Variants in CDCA7L observed in about 807,000 individuals in gnomAD.
The protein encoded by CDCA7L is cell division cycle-associated 7-like protein.
In CDCA7L, 44 loss-of-function variants were observed where a neutral mutation model predicts 57.4. The ratio of observed to expected loss-of-function variants is 0.77; its 90% CI spans 0.60 to 0.98. The LOEUF (loss-of-function observed/expected upper bound fraction) is 0.98. CDCA7L is among the 50% of genes least tolerant of loss of function. The probability of loss-of-function intolerance (pLI) is 0.00; values close to 1 mark genes in which losing one functional copy is unlikely to be tolerated. For missense variants in CDCA7L, 644 were observed against 580.6 expected (o/e 1.11, Z -1.12); for synonymous variants, 236 against 202.8 (o/e 1.16, Z -1.39).
At chr7:21,943,781 T>C (rs895217802) in intron 1 of CDCA7L, among the ~76,000 whole-genome samples, 8 of 151,914 alleles carry the variant, frequency 5.3e-5, no homozygotes, top group Non-Finnish European at 1.0e-4. Context: ...CCTTAATTGG[T>C]GCATAATGGA....
intron 8 of CDCA7L, 47 bp downstream of exon 8, chr7:21,904,063 C>T: frequency 6.7e-7 from 1 of 1,499,192 alleles, no homozygotes; most frequent in Non-Finnish European, 8.9e-7. Flanking sequence ...TTATAGCTTG[C>T]TTCCTTCACC....
At chr7:21,928,064 G>C (rs575513074) in intron 1 of CDCA7L, among the ~76,000 whole-genome samples, 43 of 152,318 alleles carry the variant, frequency 2.8e-4, no homozygotes, top group Non-Finnish European at 4.4e-4. Context: ...ATACAGGAGC[G>C]ATCCGGCTGG....
At chr7:21,917,860 C>T (rs1785533146) in intron 1 of CDCA7L, among the ~76,000 whole-genome samples, 1 of 152,198 alleles carries the variant, frequency 6.6e-6, no homozygotes, top group Non-Finnish European at 1.5e-5. Context: ...TCCCATAGAA[C>T]CACAAAACCA....
At chr7:21,941,746 T>G (rs1786345968) in intron 1 of CDCA7L, among the ~76,000 whole-genome samples, 1 of 152,200 alleles carries the variant, frequency 6.6e-6, no homozygotes, top group Non-Finnish European at 1.5e-5. Context: ...CCTGAGCAAA[T>G]TAGTCAATTT....
At chr7:21,908,637 G>T (rs1785217217) in intron 3 of CDCA7L, 130 bp from the exon 4 acceptor site, 2 of 1,005,594 alleles carry the variant, frequency 2.0e-6, no homozygotes, top group East Asian at 2.8e-5. Flanking sequence ...TTCATATTAT[G>T]AGTTCCCTCT....
rs1785139888 is a variant in CDCA7L, at chr7:21,906,361, T to C, written c.849A>G (p.Leu283=). The change falls in exon 6 of 10, where the codon CTA becomes CTG. Residue 283 remains leucine, a synonymous_variant. Coordinates refer to ENST00000406877, the MANE Select transcript of CDCA7L (RefSeq NM_018719.5). ...RSARPPEKFA[L]ENFTVSAAKF... ...TAGCGGCTGAGACAGTGAAGTTCTC[T>C]AGAGCAAACTTCTCAGGAGGCCGCG... is the stretch of plus-strand genomic sequence containing the variant. The C allele has an allele frequency of 1.9e-6, 3 of 1,613,732 alleles. No individual in the cohort carries two copies. Among genetic ancestry groups the C allele is most frequent in the South Asian group, 1.1e-5 (1 of 91,050 alleles).
chr7:21,902,236 T>TA lies in CDCA7L; in HGVS notation c.*85dup, dbSNP rs940694683. The TA allele has an allele frequency of 2.5e-5, 29 of 1,137,332 alleles. No individual in the cohort carries two copies. The Admixed American group carries it at 3.4e-4, about 13-fold the overall frequency. 70.5% of individuals were successfully genotyped at this position (1,137,332 alleles called of 1,614,324 possible). A position where few individuals can be genotyped will look rare whatever the true frequency, so the allele number is the denominator to read the frequency against. On this transcript the variant is annotated 3_prime_UTR_variant, in exon 10 of 10. Coordinates refer to ENST00000406877, the MANE Select transcript of CDCA7L (RefSeq NM_018719.5). The stretch of plus-strand genomic sequence containing the variant: ...GAATTTCTGTATAAAAACACAACTG[T>TA]AAAAAAATCTTTCTTAGGCACCAAT...
At chr7:21,942,687 C>A (rs190078745) in intron 1 of CDCA7L, among the ~76,000 whole-genome samples, 5 of 152,160 alleles carry the variant, frequency 3.3e-5, no homozygotes, top group Middle Eastern at 3.4e-3. Flanking sequence ...GCCTGTGTAC[C>A]TGATCAGAAT....
At chr7:21,914,763 T>A (rs1361857640) in intron 2 of CDCA7L, among the ~76,000 whole-genome samples, 1 of 152,202 alleles carries the variant, frequency 6.6e-6, no homozygotes, top group Non-Finnish European at 1.5e-5. Context: ...GTCAGTTTCA[T>A]CACTTGCAAA....
intron 1 of CDCA7L, among the ~76,000 whole-genome samples, chr7:21,927,141 G>T (rs1034159713): frequency 6.6e-6 from 1 of 152,106 alleles, no homozygotes; most frequent in Non-Finnish European, 1.5e-5. Context: ...GAAAAACCTG[G>T]CCCATTCAAA....
chr7:21,909,058 GGAACCCTCA>G (rs1306942563), intron 3 of CDCA7L, among the ~76,000 whole-genome samples: 7 of 152,172 alleles, frequency 4.6e-5, no homozygotes, highest in African/African-American at 1.7e-4. Context: ...TCCCTTCTCT[GGAACCCTCA>G]GAGCCATGAG....
At chr7:21,922,658 T>C (rs955941507) in intron 1 of CDCA7L, among the ~76,000 whole-genome samples, 7 of 152,170 alleles carry the variant, frequency 4.6e-5, no homozygotes, top group Non-Finnish European at 1.0e-4. Flanking sequence ...TGCCTAGTAG[T>C]AATAGTAGAG....
intron 1 of CDCA7L, among the ~76,000 whole-genome samples, chr7:21,926,561 G>C (rs1021512140): frequency 3.0e-4 from 45 of 152,266 alleles, no homozygotes; most frequent in African/African-American, 1.1e-3. Flanking sequence ...TGGTCATTAA[G>C]GAACTGCAAA....
intron 1 of CDCA7L, among the ~76,000 whole-genome samples, chr7:21,944,409 C>T (rs1257201638): frequency 2.2e-5 from 3 of 137,712 alleles, no homozygotes; most frequent in Non-Finnish European, 4.6e-5. Flanking sequence ...CGAGGTCGCG[C>T]CATTACACTC....
At chr7:21,914,950 T>C (rs1360688614) in intron 2 of CDCA7L, among the ~76,000 whole-genome samples, 1 of 152,162 alleles carries the variant, frequency 6.6e-6, no homozygotes, top group Non-Finnish European at 1.5e-5. Flanking sequence ...CTCGGCCCTT[T>C]AGACATGTTC....
At chr7:21,915,256 A>C (rs1785443055) in intron 2 of CDCA7L, among the ~76,000 whole-genome samples, 1 of 151,846 alleles carries the variant, frequency 6.6e-6, no homozygotes, top group African/African-American at 2.4e-5. Flanking sequence ...CAAGATGGGG[A>C]AAGGGGGAAG....
rs1237339963 is a variant in CDCA7L, at chr7:21,902,079, A to AT, written c.*242dup. The AT allele has an allele frequency of 5.9e-6, 3 of 507,742 alleles. No homozygotes were observed. Among genetic ancestry groups the AT allele is most frequent in the East Asian group, 6.1e-5 (2 of 32,680 alleles). The allele number at this position is 507,742 out of a possible 1,614,324, so 31.5% of individuals were successfully genotyped here. A position where few individuals can be genotyped will look rare whatever the true frequency, so the allele number is the denominator to read the frequency against. ...CTGTGCTTTTTAATAACTGGCAGATATTTTTAACAAAGTTCAGCATACAGA... is the reference window on the plus strand; with the variant it reads ...CTGTGCTTTTTAATAACTGGCAGATATTTTTTAACAAAGTTCAGCATACAGA... On this transcript the variant is annotated 3_prime_UTR_variant, in exon 10 of 10. Transcript: ENST00000406877.
intron 6 of CDCA7L, 112 bp downstream of exon 6, chr7:21,906,177 T>C (rs1785132113): frequency 1.0e-6 from 1 of 990,286 alleles, no homozygotes; most frequent in Non-Finnish European, 1.5e-6. Flanking sequence ...AGTTCTCAGC[T>C]GCCGCAGACC....
rs545614830 is a variant in CDCA7L at position 21,921,130 on chromosome 7, G to A, written c.25-4236C>T. 3.5e-4 allele frequency among the ~76,000 whole-genome samples: 54 copies of A among 152,226 alleles called. 2 individuals carry two copies. The highest frequency in any genetic ancestry group is 3.1e-3 in the Admixed American group (48 of 15,284). On this transcript the variant is annotated intron_variant, in intron 1 of 9. Transcript: ENST00000406877. The stretch of plus-strand genomic sequence containing the variant: ...TTGTGTTCAGCCCCACCACTGCTGC[G>A]AGCCTGTGTCTGACTAGCTAATTCC...
Sources: gnomAD v4.1 joint callset for allele counts (sites outside exome capture counted in the v4.1 genomes callset) on GRCh38, gnomAD v4.1.1 for gene constraint, MANE v1.5 for transcripts, NCBI Gene and HGNC (gene_info 2026-07-23, HGNC 2026-07-21) for gene names.